Variants in ULK4 observed in about 807,000 individuals in gnomAD.
ULK4 encodes unc-51 like kinase 4.
Under a neutral mutation model 160.6 loss-of-function variants are expected in ULK4, and 133 were observed. The ratio of observed to expected loss-of-function variants is 0.83; its 90% CI spans 0.72 to 0.96. The LOEUF is 0.96. Ranked by LOEUF, ULK4 falls within the 40% of genes least tolerant of loss-of-function variation. ULK4 has a pLI of 0.00. For missense variants in ULK4, 1,580 were observed against 1,499.5 expected (o/e 1.05, Z -0.89); for synonymous variants, 534 against 539.8 (o/e 0.99, Z 0.15).
chr3:41,830,192 T>C (rs2041528023), intron 18 of ULK4, among the ~76,000 whole-genome samples: 1 of 152,114 alleles, frequency 6.6e-6, no homozygotes, highest in Non-Finnish European at 1.5e-5. Flanking sequence ...ATATACCTAA[T>C]GTTAAATGAC....
At chr3:41,885,208 A>G (rs1185259166) in intron 16 of ULK4, among the ~76,000 whole-genome samples, 2 of 152,202 alleles carry the variant, frequency 1.3e-5, no homozygotes, top group Non-Finnish European at 2.9e-5. Flanking sequence ...CCATTTTTCA[A>G]TTTATAAAAG....
At chr3:41,508,884 A>T (rs887063871) in intron 32 of ULK4, among the ~76,000 whole-genome samples, 2 of 152,070 alleles carry the variant, frequency 1.3e-5, no homozygotes, top group Non-Finnish European at 2.9e-5. Context: ...GGAACCAGAA[A>T]AACAATTCTG....
At chr3:41,362,146 A>G (rs2081158896) in intron 35 of ULK4, among the ~76,000 whole-genome samples, 1 of 152,218 alleles carries the variant, frequency 6.6e-6, no homozygotes, top group African/African-American at 2.4e-5. Context: ...AAGACAGTTG[A>G]GTCTAGCAAG....
At chr3:41,384,484 G>T (rs996849195) in intron 35 of ULK4, among the ~76,000 whole-genome samples, 6 of 152,130 alleles carry the variant, frequency 3.9e-5, no homozygotes, top group African/African-American at 1.4e-4. Context: ...CTTGAGCCCA[G>T]TTCAAGACCA....
rs572406956 is a variant in ULK4 at position 41,420,935 on chromosome 3, G to A, written c.3493-22671C>T. Among the ~76,000 whole-genome samples, 15 of 151,764 alleles carry A rather than the reference G, an allele frequency of 9.9e-5. No individual in the cohort carries two copies. In the South Asian group the frequency reaches 1.7e-3, roughly 17 times the overall value. ...TTGAGACCAGCCTGGCCAACAAGAC[G>A]AGAGCCTGTCTCTACTAAAAATACA... is the stretch of plus-strand genomic sequence containing the variant. On this transcript the variant is annotated intron_variant, in intron 34 of 36. Transcript: ENST00000301831.
At chr3:41,276,289 ACT>A (rs1344998353) in intron 35 of ULK4, among the ~76,000 whole-genome samples, 1 of 151,806 alleles carries the variant, frequency 6.6e-6, no homozygotes, top group Admixed American at 6.6e-5. Context: ...CTCTGAGGAA[ACT>A]CTGTCTTCTA....
At chr3:41,850,968 C>A (rs2042197405) in intron 17 of ULK4, among the ~76,000 whole-genome samples, 1 of 152,146 alleles carries the variant, frequency 6.6e-6, no homozygotes, top group Non-Finnish European at 1.5e-5. Context: ...TTTAATTCAT[C>A]TTGAATTAAT....
At chr3:41,537,706 G>C (rs1482413724) in intron 32 of ULK4, among the ~76,000 whole-genome samples, 1 of 152,166 alleles carries the variant, frequency 6.6e-6, no homozygotes, top group Non-Finnish European at 1.5e-5. Flanking sequence ...TCCAGAAAAA[G>C]TGTTCTCATT....
At chr3:41,825,324 C>G (rs556526414) in intron 18 of ULK4, among the ~76,000 whole-genome samples, 1 of 152,152 alleles carries the variant, frequency 6.6e-6, no homozygotes. Context: ...ATGCCTTTGA[C>G]GAGTTGAGAG....
chr3:41,500,956 T>C (rs2085181771), intron 32 of ULK4, among the ~76,000 whole-genome samples: 1 of 152,194 alleles, frequency 6.6e-6, no homozygotes, highest in Non-Finnish European at 1.5e-5. Flanking sequence ...TTGGAAGGTT[T>C]ATACATTGTT....
intron 17 of ULK4, among the ~76,000 whole-genome samples, chr3:41,836,773 G>A (rs1207033474): frequency 6.6e-6 from 1 of 152,146 alleles, no homozygotes; most frequent in Non-Finnish European, 1.5e-5. Flanking sequence ...GCTGAAACTC[G>A]ACAGCATGTT....
rs527576264 is a variant in ULK4 at position 41,565,699 on chromosome 3, G to T, written c.3226+326C>A. On this transcript the variant is annotated intron_variant, in intron 32 of 36. Transcript: ENST00000301831. The stretch of plus-strand genomic sequence containing the variant: ...AACTGTACAAAATAGATTTCTTTTT[G>T]TTTTAAATTACTCAGTCTCAGGTAA... 4.6e-5 allele frequency among the ~76,000 whole-genome samples: 7 copies of T among 152,194 alleles called. No individual in the cohort carries two copies. In the South Asian group the frequency reaches 1.5e-3, roughly 32 times the overall value.
intron 22 of ULK4, among the ~76,000 whole-genome samples, chr3:41,733,952 G>C (rs551882840): frequency 6.6e-6 from 1 of 151,894 alleles, no homozygotes; most frequent in Non-Finnish European, 1.5e-5. Flanking sequence ...GGTCAGGCTG[G>C]TCTCAAACTC....
At chr3:41,512,579 A>T (rs1297723888) in intron 32 of ULK4, among the ~76,000 whole-genome samples, 1 of 152,204 alleles carries the variant, frequency 6.6e-6, no homozygotes, top group Non-Finnish European at 1.5e-5. Context: ...GAGGTGAAAG[A>T]CCTCTACAAG....
intron 35 of ULK4, among the ~76,000 whole-genome samples, chr3:41,312,277 A>G (rs1367532357): frequency 1.3e-5 from 2 of 152,172 alleles, no homozygotes; most frequent in Non-Finnish European, 1.5e-5. Context: ...GCCAGGCTGA[A>G]TATTTACAAA....
At chr3:41,537,185 C>G (rs375638845) in intron 32 of ULK4, among the ~76,000 whole-genome samples, 3 of 128,982 alleles carry the variant, frequency 2.3e-5, no homozygotes, top group African/African-American at 7.0e-5. Context: ...ACCCTTCACC[C>G]CCAACCATTT....
intron 2 of ULK4, among the ~76,000 whole-genome samples, chr3:41,941,735 GAC>G (rs1363430786): frequency 9.2e-6 from 1 of 109,008 alleles, no homozygotes; most frequent in East Asian, 3.2e-4. Context: ...CAGCCTGAGT[GAC>G]AGAGTGAGAC....
chr3:41,537,921 G>A (rs999397223), intron 32 of ULK4, among the ~76,000 whole-genome samples: 1 of 125,184 alleles, frequency 8.0e-6, no homozygotes, highest in Admixed American at 7.4e-5. Context: ...GTCCTTTGTG[G>A]CATTTTTTTT....
chr3:41,706,839 A>T (rs1200589269), intron 25 of ULK4, among the ~76,000 whole-genome samples: 52 of 113,006 alleles, frequency 4.6e-4, no homozygotes, highest in African/African-American at 3.8e-3. Context: ...AAAAAAAAAA[A>T]AAAAAAAATA....
Sources: allele counts gnomAD v4.1 joint callset (sites outside exome capture counted in the v4.1 genomes callset), GRCh38; gene constraint gnomAD v4.1.1; transcripts MANE v1.5; gene names NCBI Gene and HGNC (gene_info 2026-07-23, HGNC 2026-07-21).